TCF7L1: variants seen among roughly 807,000 people sequenced by gnomAD.
TCF7L1 encodes the protein transcription factor 7 like 1.
In TCF7L1, 18 loss-of-function variants were observed where a neutral mutation model predicts 63.7. The ratio of observed to expected loss-of-function variants is 0.28; its 90% confidence interval spans 0.20 to 0.42. The LOEUF (loss-of-function observed/expected upper bound fraction) is 0.42. Among genes scored for constraint, TCF7L1 ranks in the 10% least tolerant of loss-of-function variants. The pLI is 1.00. For missense variants in TCF7L1, 654 were observed against 779.3 expected (o/e 0.84, Z 1.91); for synonymous variants, 355 against 340.9 (o/e 1.04, Z -0.46).
chr2:85,134,041 G>A lies in TCF7L1; in HGVS notation c.275G>A (p.Arg92Gln), dbSNP rs763639217. ...SEAERRPQPV[R>Q]DTFQKPRDYF... ...GCGGAGAGGCGCCCGCAGCCCGTCCGGGACACTTTCCAGAAGCCGCGGGAC... is the reference window on the plus strand; with the variant it reads ...GCGGAGAGGCGCCCGCAGCCCGTCCAGGACACTTTCCAGAAGCCGCGGGAC... Residue 92 changes from arginine (R) to glutamine (Q), a missense_variant, in exon 2 of 12, where the codon CGG (arginine) becomes CAG (glutamine). Around this residue, in one of 3 missense-constraint regions of TCF7L1, gnomAD observed 404 missense variants for 454.8 expected, o/e 0.89. Transcript: ENST00000282111. The surrounding 1 kb of genome is among the most constrained non-coding windows in gnomAD (Gnocchi z 5.0). 1.2e-6 allele frequency: 2 copies of A among 1,610,972 alleles called. No homozygotes were observed. Among genetic ancestry groups the A allele is most frequent in the South Asian group, 1.1e-5 (1 of 90,598 alleles).
intron 3 of TCF7L1, among the ~76,000 whole-genome samples, chr2:85,264,272 A>C (rs921240173): frequency 6.6e-6 from 1 of 152,048 alleles, no homozygotes; most frequent in Non-Finnish European, 1.5e-5. Flanking sequence ...AGTACTCCTG[A>C]CCTCCAGGAA....
intron 3 of TCF7L1, among the ~76,000 whole-genome samples, chr2:85,223,783 C>T (rs759215896): frequency 2.6e-5 from 4 of 152,146 alleles, no homozygotes; most frequent in Non-Finnish European, 5.9e-5. Context: ...TGTTCTTTGT[C>T]CCTATTTTAC....
intron 3 of TCF7L1, among the ~76,000 whole-genome samples, chr2:85,283,154 T>C (rs888166223): frequency 5.3e-5 from 8 of 151,792 alleles, no homozygotes; most frequent in African/African-American, 1.9e-4. Flanking sequence ...GACTACAGCA[T>C]AGGGAGGGGA....
At chr2:85,208,781 C>G (rs1479891292) in intron 3 of TCF7L1, among the ~76,000 whole-genome samples, 1 of 152,142 alleles carries the variant, frequency 6.6e-6, no homozygotes, top group Non-Finnish European at 1.5e-5. Flanking sequence ...TTTTTTATAT[C>G]TTCAATTTAC....
chr2:85,303,479 G>C (rs952719432), intron 5 of TCF7L1: 1 of 160,528 alleles, frequency 6.2e-6, no homozygotes, highest in Non-Finnish European at 1.4e-5. Flanking sequence ...GTCACTACAA[G>C]TTACAGATAA....
At chr2:85,307,942 T>G (rs1682156279) in intron 11 of TCF7L1, among the ~76,000 whole-genome samples, 1 of 152,196 alleles carries the variant, frequency 6.6e-6, no homozygotes, top group African/African-American at 2.4e-5. Flanking sequence ...ATCCCAGGAC[T>G]TTGTCACTTC....
intron 3 of TCF7L1, among the ~76,000 whole-genome samples, chr2:85,207,608 G>T (rs1679438586): frequency 6.6e-6 from 1 of 151,566 alleles, no homozygotes; most frequent in South Asian, 2.1e-4. Flanking sequence ...AACGTGAAAG[G>T]GTAGGTGGGT....
At chr2:85,145,291 A>G (rs546456315) in intron 3 of TCF7L1, among the ~76,000 whole-genome samples, 1 of 152,278 alleles carries the variant, frequency 6.6e-6, no homozygotes, top group African/African-American at 2.4e-5. Flanking sequence ...GAATGGGGCT[A>G]TTATATGTAG....
At chr2:85,302,808 C>G (rs150789537) in intron 5 of TCF7L1, among the ~76,000 whole-genome samples, 192 bp downstream of exon 5, 4 of 152,190 alleles carry the variant, frequency 2.6e-5, no homozygotes, top group African/African-American at 7.2e-5. Flanking sequence ...TGTACCTTCT[C>G]CACCATAGGG....
intron 3 of TCF7L1, among the ~76,000 whole-genome samples, chr2:85,144,719 C>CTCTCTGTGTGTGTGTG (rs1553393493): frequency 5.0e-5 from 7 of 140,442 alleles, no homozygotes; most frequent in East Asian, 2.0e-4. Flanking sequence ...CTCTCTCTCT[C>CTCTCTGTGTGTGTGTG]TGTGTGTGTG....
At chr2:85,303,347 T>C (rs562252531) in intron 5 of TCF7L1, 2 of 152,454 alleles carry the variant, frequency 1.3e-5, no homozygotes, top group East Asian at 1.9e-4. Flanking sequence ...TTTTTCTTTT[T>C]TTTTTTTTTA....
At chr2:85,240,840 A>AG (rs1191185129) in intron 3 of TCF7L1, among the ~76,000 whole-genome samples, 2 of 152,128 alleles carry the variant, frequency 1.3e-5, no homozygotes, top group African/African-American at 4.8e-5. Context: ...TAAGTCACCA[A>AG]GGGGCAGAAT....
At chr2:85,181,138 G>A (rs1010692908) in intron 3 of TCF7L1, among the ~76,000 whole-genome samples, 2 of 152,206 alleles carry the variant, frequency 1.3e-5, no homozygotes, top group African/African-American at 4.8e-5. Context: ...GGGGGATTAG[G>A]GAGGAGAGTT....
intron 3 of TCF7L1, among the ~76,000 whole-genome samples, chr2:85,154,054 G>A (rs1678084195): frequency 2.0e-5 from 3 of 152,048 alleles, no homozygotes; most frequent in Non-Finnish European, 4.4e-5. Flanking sequence ...CAGAATTGAG[G>A]CTGTACATCC....
chr2:85,219,309 T>C (rs989138526), intron 3 of TCF7L1, among the ~76,000 whole-genome samples: 2 of 152,106 alleles, frequency 1.3e-5, no homozygotes, highest in African/African-American at 4.8e-5. Flanking sequence ...AAATGACACA[T>C]TTGCGTATTA....
intron 3 of TCF7L1, among the ~76,000 whole-genome samples, chr2:85,200,616 ACT>A (rs1042512099): frequency 7.2e-5 from 11 of 151,854 alleles, no homozygotes; most frequent in African/African-American, 2.7e-4. Flanking sequence ...TAATGTCATG[ACT>A]CTTCTCTTTT....
chr2:85,203,155 A>G (rs750306814), intron 3 of TCF7L1, among the ~76,000 whole-genome samples: 9 of 152,108 alleles, frequency 5.9e-5, no homozygotes, highest in Admixed American at 1.3e-4. Flanking sequence ...AACTCTTATG[A>G]AAGGTTAAAG....
At chr2:85,214,567 T>G (rs546177492) in intron 3 of TCF7L1, among the ~76,000 whole-genome samples, 1 of 152,244 alleles carries the variant, frequency 6.6e-6, no homozygotes, top group South Asian at 2.1e-4. Flanking sequence ...TGATAAAGGT[T>G]AGAGTAGGAG....
chr2:85,162,980 A>G (rs575474817), intron 3 of TCF7L1, among the ~76,000 whole-genome samples: 1 of 151,960 alleles, frequency 6.6e-6, no homozygotes, highest in African/African-American at 2.4e-5. Context: ...AGGAAACCAG[A>G]CTCCAGGCAG....
Sources: gnomAD v4.1 joint callset for allele counts (sites outside exome capture counted in the v4.1 genomes callset) on GRCh38, gnomAD v4.1.1 for gene constraint, gnomAD v4.1.1 regional missense constraint, Gnocchi (gnomAD v3.1) non-coding constraint, MANE v1.5 for transcripts, NCBI Gene and HGNC (gene_info 2026-07-23, HGNC 2026-07-21) for gene names.